PDE1C: variants seen among roughly 807,000 people sequenced by gnomAD.
PDE1C encodes the protein phosphodiesterase 1C.
A neutral mutation model predicts 93.1 loss-of-function variants in PDE1C; 62 were observed. The observed-to-expected ratio is 0.67, with a 90% confidence interval of 0.54 to 0.82. The LOEUF is 0.82. Ranked by LOEUF, PDE1C falls within the 40% of genes least tolerant of loss-of-function variation. The pLI is 0.00. For missense variants in PDE1C, 742 were observed against 884.6 expected, an observed-to-expected ratio of 0.84 and a Z score of 2.04; for synonymous variants, 325 against 310.1, an observed-to-expected ratio of 1.05 and a Z score of -0.50.
chr7:31,722,905 G>GT, the PDE1C span, among the ~76,000 whole-genome samples: 1 of 152,136 alleles, frequency 6.6e-6, no homozygotes, highest in Non-Finnish European at 1.5e-5. Flanking sequence ...GAATCTGACA[G>GT]TTTTTCTCTC....
intron 2 of PDE1C, among the ~76,000 whole-genome samples, chr7:31,909,901 T>G (rs570029006): frequency 6.6e-6 from 1 of 152,236 alleles, no homozygotes; most frequent in South Asian, 2.1e-4. Flanking sequence ...AACTCTTTGT[T>G]GTGGGGGCTG....
intron 2 of PDE1C, among the ~76,000 whole-genome samples, chr7:32,204,593 CCA>C (rs1372088371): frequency 6.6e-6 from 1 of 152,250 alleles, no homozygotes. Flanking sequence ...GCTTTTTCTG[CCA>C]CACTGTGGCC....
chr7:32,196,980 G>C (rs569648183), intron 2 of PDE1C, among the ~76,000 whole-genome samples: 50 of 152,282 alleles, frequency 3.3e-4, no homozygotes, highest in Middle Eastern at 3.4e-3. Context: ...TAGGGATGAG[G>C]AGAAATTATG....
chr7:32,247,927 T>C (rs1391415802), intron 1 of PDE1C, among the ~76,000 whole-genome samples: 3 of 152,090 alleles, frequency 2.0e-5, no homozygotes, highest in African/African-American at 4.8e-5. Context: ...TACTAGACTA[T>C]GGTAGTAGTG....
the PDE1C span, among the ~76,000 whole-genome samples, chr7:31,672,928 T>C: frequency 2.3e-4 from 35 of 152,322 alleles, 1 homozygote; most frequent in South Asian, 6.0e-3. Flanking sequence ...TGAGTTTTTA[T>C]GATATCTGGT....
the PDE1C span, among the ~76,000 whole-genome samples, chr7:31,713,922 G>A: frequency 4.6e-5 from 7 of 152,038 alleles, no homozygotes; most frequent in East Asian, 7.7e-4. Flanking sequence ...TCCTTCCTAC[G>A]TCTCCAAACC....
chr7:32,016,970 A>C (rs1391093970), intron 2 of PDE1C, among the ~76,000 whole-genome samples: 1 of 152,168 alleles, frequency 6.6e-6, no homozygotes, highest in Non-Finnish European at 1.5e-5. Context: ...CCTGCGTCCA[A>C]CATTTACTAC....
chr7:31,757,770 C>G (rs1794562133), intron 17 of PDE1C, among the ~76,000 whole-genome samples: 1 of 152,104 alleles, frequency 6.6e-6, no homozygotes, highest in Admixed American at 6.5e-5. Context: ...CTAGAAATAC[C>G]ACTTGACCCA....
Position 32,129,531 on chromosome 7 carries a change from A to G in PDE1C, c.308+40254T>C, listed in dbSNP as rs180900708. On this transcript the variant is annotated intron_variant, in intron 3 of 18. Transcript: ENST00000396193. ...AAAAATACATAATTTCAAATTTGTTAAAATATAATAAATAACCCTCAAGTT... is the reference window on the plus strand; with the variant it reads ...AAAAATACATAATTTCAAATTTGTTGAAATATAATAAATAACCCTCAAGTT... Among the ~76,000 whole-genome samples, 43 of 151,776 alleles carry G rather than the reference A, an allele frequency of 2.8e-4. 6 individuals are homozygous for G. The highest frequency in any genetic ancestry group is 8.2e-4 in the African/African-American group (34 of 41,298).
At position 31,885,419 on chromosome 7, in the gene PDE1C, T is replaced by C. The variant is rs116213572; in HGVS notation, c.129-4559A>G. ...TCAGTTAAGACAGTGTGCAATTTCATTGTGGATGAGCCATTGCATCTTTTC... is the reference window on the plus strand; with the variant it reads ...TCAGTTAAGACAGTGTGCAATTTCACTGTGGATGAGCCATTGCATCTTTTC... On this transcript the variant is annotated intron_variant, in intron 2 of 17. Transcript: ENST00000396191. Among the ~76,000 whole-genome samples, 1,000 of 152,310 alleles carry C rather than the reference T, an allele frequency of 6.6e-3. 8 individuals carry two copies. Among genetic ancestry groups the C allele is most frequent in the African/African-American group, 0.022 (924 of 41,580 alleles).
intron 2 of PDE1C, among the ~76,000 whole-genome samples, chr7:32,187,712 T>A (rs1309711740): frequency 2.7e-5 from 4 of 147,670 alleles, no homozygotes; most frequent in African/African-American, 8.1e-5. Flanking sequence ...AGCAGCTACA[T>A]TCATTGAAGT....
intron 2 of PDE1C, among the ~76,000 whole-genome samples, chr7:31,905,581 C>T (rs1419118661): frequency 6.6e-6 from 1 of 152,002 alleles, no homozygotes; most frequent in Non-Finnish European, 1.5e-5. Context: ...CTTTTAAAGC[C>T]CCTGTGGTCA....
intron 3 of PDE1C, among the ~76,000 whole-genome samples, chr7:32,110,731 A>T (rs1397994187): frequency 6.6e-6 from 1 of 152,188 alleles, no homozygotes; most frequent in Non-Finnish European, 1.5e-5. Flanking sequence ...CTGAGAAGAA[A>T]CTACAATTCT....
chr7:31,621,504 C>T, the PDE1C span, among the ~76,000 whole-genome samples: 1 of 143,048 alleles, frequency 7.0e-6, no homozygotes. Context: ...TCCAGCCAAA[C>T]TAAGCTTCAT....
At chr7:32,044,482 A>G (rs1792253142) in intron 2 of PDE1C, among the ~76,000 whole-genome samples, 2 of 152,082 alleles carry the variant, frequency 1.3e-5, no homozygotes, top group South Asian at 4.1e-4. Flanking sequence ...ATTTGTTGCT[A>G]TTTTTCAAAC....
intron 3 of PDE1C, chr7:32,078,051 T>TA (rs1399832351): frequency 2.0e-6 from 2 of 984,658 alleles, no homozygotes; most frequent in Non-Finnish European, 2.4e-6. Flanking sequence ...TTGGCTGTAC[T>TA]AATGAAATTG....
chr7:32,185,035 C>T (rs564571600), intron 2 of PDE1C, among the ~76,000 whole-genome samples: 62 of 151,138 alleles, frequency 4.1e-4, no homozygotes, highest in African/African-American at 1.3e-3. Flanking sequence ...CTCTTGAACC[C>T]GGGAGGCAGA....
At chr7:31,898,061 T>C (rs1799533590) in intron 2 of PDE1C, among the ~76,000 whole-genome samples, 1 of 145,544 alleles carries the variant, frequency 6.9e-6, no homozygotes, top group Non-Finnish European at 1.5e-5. Flanking sequence ...TGTGTGTGTG[T>C]TTACTATACT....
At chr7:32,357,678 C>A (rs765402741) in intron 1 of PDE1C, among the ~76,000 whole-genome samples, 18 of 152,310 alleles carry the variant, frequency 1.2e-4, no homozygotes, top group South Asian at 4.1e-4. Context: ...TGTTTCCCTA[C>A]CTGGAGATGA....
Sources: gnomAD v4.1 joint callset for allele counts (sites outside exome capture counted in the v4.1 genomes callset) on GRCh38, gnomAD v4.1.1 for gene constraint, MANE v1.5 for transcripts, NCBI Gene and HGNC (gene_info 2026-07-23, HGNC 2026-07-21) for gene names.